The following FREM3 variants were observed in gnomAD, a reference collection of about 807,000 sequenced individuals.
FREM3 encodes FRAS1 related extracellular matrix 3.
In FREM3, 105 loss-of-function variants were observed where a neutral mutation model predicts 129.1. The ratio of observed to expected loss-of-function variants is 0.81; its 90% CI spans 0.69 to 0.96. The LOEUF (loss-of-function observed/expected upper bound fraction) is 0.96, where lower values mean the gene tolerates loss of function less well. FREM3 is among the 40% of genes least tolerant of loss of function. The pLI is 0.00. For synonymous variants in FREM3, 1,014 were observed against 1,044.9 expected, an observed-to-expected ratio of 0.97 and a Z score of 0.57; for missense variants, 2,593 against 2,666.3, an observed-to-expected ratio of 0.97 and a Z score of 0.61.
Position 143,600,265 on chromosome 4 carries a change from A to T in FREM3, c.6028+11014T>A, listed in dbSNP as rs1047464248. Reference sequence around the variant, plus strand: ...ACTAAACATCATTTTGTTCTCACTTATAAGTGGGAGCTAAACCATGAGGAC... The same window carrying T: ...ACTAAACATCATTTTGTTCTCACTTTTAAGTGGGAGCTAAACCATGAGGAC... On this transcript the variant is annotated intron_variant, in intron 6 of 7. Transcript: ENST00000329798. Among the ~76,000 whole-genome samples the T allele has an allele frequency of 6.6e-5, 10 of 152,200 alleles. 1 individual carries two copies. Among genetic ancestry groups the T allele is most frequent in the Admixed American group, 2.6e-4 (4 of 15,282 alleles).
chr4:143,672,090 A>G (rs1040391101), intron 2 of FREM3, among the ~76,000 whole-genome samples: 2 of 152,190 alleles, frequency 1.3e-5, no homozygotes, highest in African/African-American at 4.8e-5. Context: ...CGAGCTAGAA[A>G]TGTGTACTCA....
intron 6 of FREM3, among the ~76,000 whole-genome samples, chr4:143,597,249 G>A (rs1738499568): frequency 6.6e-6 from 1 of 152,206 alleles, no homozygotes; most frequent in Non-Finnish European, 1.5e-5. Flanking sequence ...AGAATGAGTG[G>A]TGACAATGTC....
intron 6 of FREM3, among the ~76,000 whole-genome samples, chr4:143,608,068 C>T (rs1738695868): frequency 6.6e-6 from 1 of 152,178 alleles, no homozygotes; most frequent in Non-Finnish European, 1.5e-5. Context: ...CTTATAGGGA[C>T]CCTGCTGATT....
chr4:143,615,851 A>G (rs1366766716), intron 5 of FREM3, among the ~76,000 whole-genome samples: 2 of 152,146 alleles, frequency 1.3e-5, no homozygotes, highest in Non-Finnish European at 2.9e-5. Flanking sequence ...GTATCCCCCC[A>G]AGAGCAGGTG....
chr4:143,651,208 C>T (rs1244642502), intron 2 of FREM3, among the ~76,000 whole-genome samples: 1 of 152,180 alleles, frequency 6.6e-6, no homozygotes, highest in Non-Finnish European at 1.5e-5. Flanking sequence ...AATGGTTGCT[C>T]ATTTCACCAT....
rs139408568 is a variant in FREM3 at position 143,625,372 on chromosome 4, A to G, written c.5423-1034T>C. ...TGAAAACTTGATATAAAATAAGATT[A>G]ATAGCCCCCCCATGCAATTCCTTGG... On this transcript the variant is annotated intron_variant, in intron 3 of 7. Transcript: ENST00000329798. Among the ~76,000 whole-genome samples the G allele has an allele frequency of 1.2e-3, 179 of 152,330 alleles. 1 individual carries two copies. Among genetic ancestry groups the G allele is most frequent in the African/African-American group, 4.1e-3 (170 of 41,578 alleles).
Position 143,699,115 on chromosome 4 carries a change from T to G in FREM3, c.1561A>C (p.Met521Leu). The change falls in exon 1 of 8, where the codon ATG becomes CTG. Residue 521 changes from methionine (M) to leucine (L), a missense_variant. Met to Leu is a conservative substitution (Grantham distance 15, BLOSUM62 2). This residue lies in a region of FREM3 where 2,276 missense variants were observed against 2,267.2 expected (regional missense o/e 1.00). Transcript: ENST00000329798. The surrounding 1 kb of genome is among the most constrained non-coding windows in gnomAD (Gnocchi z 4.2). ...TCCACTTGGTGGTGCCCGTCCTCCA[T>G]CCGGAAGATGATATTGTCACTGTAG... is the stretch of plus-strand genomic sequence containing the variant. ...NTYSDNIIFR[M>L]EDGHHQVDFL... 2 of 1,537,400 alleles carry G rather than the reference T, an allele frequency of 1.3e-6. No homozygotes were observed. The highest frequency in any genetic ancestry group is 2.7e-5 in the African/African-American group (2 of 73,102).
intron 7 of FREM3, among the ~76,000 whole-genome samples, chr4:143,579,133 C>A (rs1738090937): frequency 6.6e-6 from 1 of 151,202 alleles, no homozygotes; most frequent in Non-Finnish European, 1.5e-5. Flanking sequence ...AAAAAATTTT[C>A]TAAAAGGCAC....
At chr4:143,628,701 T>A (rs1739088556) in intron 2 of FREM3, among the ~76,000 whole-genome samples, 1 of 152,152 alleles carries the variant, frequency 6.6e-6, no homozygotes, top group Non-Finnish European at 1.5e-5. Context: ...TAGAAAAAGC[T>A]GATGCCATGG....
Position 143,699,242 on chromosome 4 carries a change from A to G in FREM3, c.1434T>C (p.His478=), listed in dbSNP as rs1316262302. The change falls in exon 1 of 8, where the codon CAT becomes CAC. Residue 478 remains histidine, a synonymous_variant. Coordinates refer to ENST00000329798, the MANE Select transcript of FREM3 (RefSeq NM_001168235.2). The surrounding 1 kb of genome is among the most constrained non-coding windows in gnomAD (Gnocchi z 4.2). ...GTGCCCCAAACACCACCAGCTGCCC[A>G]TGTCTCAAGCCCCTGACTGCAGCCA... The part of the protein sequence containing the change: ...VKMAAVRGLR[H]GQLVVFGAPA... 6.5e-7 allele frequency: 1 copy of G among 1,537,156 alleles called. No individual in the cohort carries two copies. Among genetic ancestry groups the G allele is most frequent in the Non-Finnish European group, 8.7e-7 (1 of 1,146,930 alleles).
intron 2 of FREM3, among the ~76,000 whole-genome samples, chr4:143,631,168 G>T (rs748316700): frequency 4.6e-5 from 7 of 152,044 alleles, no homozygotes; most frequent in African/African-American, 7.2e-5. Context: ...TGCTAAAAAG[G>T]TTCTTTTATT....
At chr4:143,586,128 T>C in intron 6 of FREM3, 135 bp from the exon 7 acceptor site, 1 of 812,948 alleles carries the variant, frequency 1.2e-6, no homozygotes, top group East Asian at 2.7e-5. Context: ...TTTTTTTATA[T>C]AGCTCAGGGA....
At position 143,700,158 on chromosome 4, in the gene FREM3, T is replaced by C. The variant is rs1740668583; in HGVS notation, c.518A>G (p.Asn173Ser). The part of the protein sequence containing the change: ...VFSQLELVTR[N>S]RPLVVEKLRS... ...CAGCTTCTCCACTACCAAAGGCCTG[T>C]TACGCGTCACCAGCTCCAGCTGGGA... Residue 173 changes from asparagine to serine, a missense_variant, in exon 1 of 8, where the codon AAC (asparagine) becomes AGC (serine). Asn to Ser is a conservative substitution (Grantham distance 46). This residue lies in a region of FREM3 where 2,276 missense variants were observed against 2,267.2 expected (regional missense o/e 1.00). Coordinates refer to ENST00000329798, the MANE Select transcript of FREM3 (RefSeq NM_001168235.2). The C allele has an allele frequency of 1.3e-6, 2 of 1,536,916 alleles. No individual in the cohort carries two copies. Among genetic ancestry groups the C allele is most frequent in the Admixed American group, 3.9e-5 (2 of 50,990 alleles).
At chr4:143,668,641 G>A (rs1398059253) in intron 2 of FREM3, among the ~76,000 whole-genome samples, 5 of 152,164 alleles carry the variant, frequency 3.3e-5, no homozygotes, top group East Asian at 1.9e-4. Flanking sequence ...AACCTGACAC[G>A]GTTAGATACC....
chr4:143,695,754 G>A lies in FREM3; in HGVS notation c.4922C>T (p.Ala1641Val), dbSNP rs191871431. The A allele has an allele frequency of 6.2e-5, 95 of 1,537,262 alleles. No individual in the cohort carries two copies. The East Asian group carries it at 2.0e-3, about 32-fold the overall frequency. ...DFYVLPDTALATHKPQVMRVQ... is the reference protein window; with the variant it reads ...DFYVLPDTALVTHKPQVMRVQ... ...CCTCATTACTTGAGGTTTGTGTGTC[G>A]CCAGGGCAGTGTCTGGTAGGACATA... Residue 1641 changes from alanine (A) to valine (V), a missense_variant, in exon 1 of 8, where the codon GCG (alanine) becomes GTG (valine). Physicochemically the swap from Ala to Val is moderately conservative, Grantham distance 64. Transcript: ENST00000329798.
At chr4:143,665,026 AC>A (rs1739829348) in intron 2 of FREM3, among the ~76,000 whole-genome samples, 1 of 152,032 alleles carries the variant, frequency 6.6e-6, no homozygotes, top group Non-Finnish European at 1.5e-5. Context: ...GAACTCCCTG[AC>A]CCCTTGCACT....
chr4:143,621,184 T>A (rs1209787580), intron 4 of FREM3, 22 bp from the exon 5 acceptor site: 1 of 1,536,202 alleles, frequency 6.5e-7, no homozygotes, highest in South Asian at 1.2e-5. Context: ...GGCAGAAGAC[T>A]TTTCACCAAG....
At position 143,584,227 on chromosome 4, in the gene FREM3, G is replaced by A. The variant is rs550439087; in HGVS notation, c.6178+1617C>T. Among the ~76,000 whole-genome samples the A allele has an allele frequency of 2.0e-5, 3 of 152,002 alleles. No individual in the cohort carries two copies. The East Asian group carries it at 5.8e-4, about 29-fold the overall frequency. The stretch of plus-strand genomic sequence containing the variant: ...GATCGAGACCATCCTGGCTAACAAG[G>A]TGAAACCCTGTCTCTACTAAAAATA... On this transcript the variant is annotated intron_variant, in intron 7 of 7. Transcript: ENST00000329798.
Position 143,699,389 on chromosome 4 carries a change from A to T in FREM3, c.1287T>A (p.Asn429Lys), listed in dbSNP as rs1740648066. ...TATGGCTAGCCACTGGGACCAGAGT[A>T]TTCATGGATTTCACTGTCACCATGA... ...FAFMVTVKSMNTLVPVASHNR... is the reference protein window; with the variant it reads ...FAFMVTVKSMKTLVPVASHNR... Residue 429 changes from asparagine (N) to lysine (K), a missense_variant, in exon 1 of 8, where the codon AAT becomes AAA. Asn to Lys is a moderately conservative substitution (Grantham distance 94). Transcript: ENST00000329798. This position sits in a 1 kb window ranked among gnomAD's most constrained non-coding sequence, Gnocchi z 4.2. 6.5e-7 allele frequency: 1 copy of T among 1,537,180 alleles called. No individual in the cohort carries two copies. The highest frequency in any genetic ancestry group is 8.7e-7 in the Non-Finnish European group (1 of 1,146,916).
Sources: allele counts gnomAD v4.1 joint callset (sites outside exome capture counted in the v4.1 genomes callset), GRCh38; gene constraint gnomAD v4.1.1; regional missense constraint gnomAD v4.1.1; non-coding constraint Gnocchi (gnomAD v3.1); transcripts MANE v1.5; gene names NCBI Gene and HGNC (gene_info 2026-07-23, HGNC 2026-07-21).